The following EDN1 variants were observed in gnomAD, a reference collection of about 807,000 sequenced individuals.
EDN1 encodes the protein endothelin-1.
A neutral mutation model predicts 21.7 loss-of-function variants in EDN1; 11 were observed. The ratio of observed to expected loss-of-function variants is 0.51; its 90% CI spans 0.32 to 0.84. The LOEUF (loss-of-function observed/expected upper bound fraction) is 0.84. Among genes scored for constraint, EDN1 ranks in the 40% least tolerant of loss-of-function variants. The probability of loss-of-function intolerance (pLI) is 0.03; values close to 1 mark genes in which losing one functional copy is unlikely to be tolerated. For synonymous variants in EDN1, 85 were observed against 90.6 expected, an observed-to-expected ratio of 0.94 and a Z score of 0.35; for missense variants, 244 against 262.3, an observed-to-expected ratio of 0.93 and a Z score of 0.48.
chr6:12,258,963 A>G, the EDN1 span, among the ~76,000 whole-genome samples: 2 of 152,240 alleles, frequency 1.3e-5, no homozygotes, highest in Non-Finnish European at 2.9e-5. Context: ...TAAAAAATTA[A>G]ACTACTAAAA....
At position 12,296,036 on chromosome 6, in the gene EDN1, G is replaced by A. The variant is rs143255118; in HGVS notation, c.608G>A (p.Arg203His). The A allele has an allele frequency of 2.9e-5, 47 of 1,613,940 alleles. No individual in the cohort carries two copies. The highest frequency in any genetic ancestry group is 1.6e-4 in the Middle Eastern group (1 of 6,082). Residue 203 changes from arginine (R) to histidine (H), a missense_variant, in exon 5 of 5, where the codon CGT becomes CAT. Transcript: ENST00000379375. ...PKLKGKPSRE[R>H]YVTHNRAHW is the part of the protein sequence containing the mutation. The stretch of plus-strand genomic sequence containing the variant: ...CTGAAAGGCAAGCCCTCCAGAGAGC[G>A]TTATGTGACCCACAACCGAGCACAT...
chr6:12,230,975 T>A, the EDN1 span, among the ~76,000 whole-genome samples: 1 of 152,124 alleles, frequency 6.6e-6, no homozygotes, highest in Non-Finnish European at 1.5e-5. Flanking sequence ...TGGCCTAAGG[T>A]GGAGAAATAT....
chr6:12,235,437 A>G, the EDN1 span, among the ~76,000 whole-genome samples: 1 of 152,226 alleles, frequency 6.6e-6, no homozygotes. Context: ...ATAAATCCAT[A>G]TAGTTCATAA....
rs759275857 is a variant in EDN1 at position 12,290,608 on chromosome 6, T to C, written c.-22T>C. On this transcript the variant is annotated 5_prime_UTR_variant, in exon 1 of 5. Coordinates refer to ENST00000379375, the MANE Select transcript of EDN1 (RefSeq NM_001955.5). The stretch of plus-strand genomic sequence containing the variant: ...CTTTGGGTTCAGTTTGAACGGGAGG[T>C]TTTTGATCCCTTTTTTTCAGAATGG... 2 of 1,612,368 alleles carry C rather than the reference T, an allele frequency of 1.2e-6. No individual in the cohort carries two copies. Among genetic ancestry groups the C allele is most frequent in the Non-Finnish European group, 1.7e-6 (2 of 1,178,480 alleles).
the EDN1 span, among the ~76,000 whole-genome samples, chr6:12,240,412 A>C: frequency 0.24 from 36,621 of 152,152 alleles, 5,257 homozygotes; most frequent in Non-Finnish European, 0.33. Context: ...ATTTAGAGAT[A>C]AGGAACTATT....
chr6:12,293,955 A>G lies in EDN1; in HGVS notation c.248A>G (p.Tyr83Cys). The G allele has an allele frequency of 6.2e-7, 1 of 1,614,216 alleles. No homozygotes were observed. Among genetic ancestry groups the G allele is most frequent in the Non-Finnish European group, 8.5e-7 (1 of 1,180,024 alleles). The change falls in exon 3 of 5, where the codon TAT (tyrosine) becomes TGT (cysteine). Residue 83 changes from tyrosine to cysteine, a missense_variant. Transcript: ENST00000379375. ...WVNTPEHVVP[Y>C]GLGSPRSKRA... ...TTGGATAATAGGCACGTTGTTCCGT[A>G]TGGACTTGGAAGCCCTAGGTCCAAG...
the EDN1 span, among the ~76,000 whole-genome samples, chr6:12,243,691 A>G: frequency 3.9e-5 from 6 of 152,354 alleles, no homozygotes; most frequent in Middle Eastern, 0.014. Context: ...ACTATGAGCT[A>G]CTTGAAGGCA....
At chr6:12,238,279 G>A in the EDN1 span, among the ~76,000 whole-genome samples, 1 of 152,138 alleles carries the variant, frequency 6.6e-6, no homozygotes, top group African/African-American at 2.4e-5. Flanking sequence ...GGGCTTGAGG[G>A]GATGTAGGCG....
chr6:12,276,451 A>G, the EDN1 span, among the ~76,000 whole-genome samples: 1 of 152,244 alleles, frequency 6.6e-6, no homozygotes, highest in African/African-American at 2.4e-5. Flanking sequence ...AAAAAAGTAC[A>G]TTCCTTTACG....
chr6:12,264,951 G>A, the EDN1 span, among the ~76,000 whole-genome samples: 25 of 152,256 alleles, frequency 1.6e-4, no homozygotes, highest in South Asian at 2.3e-3. Flanking sequence ...TTTCTTTTAT[G>A]AGCCATATCC....
the EDN1 span, among the ~76,000 whole-genome samples, chr6:12,277,365 G>T: frequency 3.3e-5 from 5 of 152,278 alleles, no homozygotes; most frequent in African/African-American, 1.2e-4. Context: ...CACCAACTAC[G>T]CACCAGGTAC....
At chr6:12,259,192 A>T in the EDN1 span, among the ~76,000 whole-genome samples, 2 of 151,998 alleles carry the variant, frequency 1.3e-5, no homozygotes, top group African/African-American at 4.8e-5. Context: ...GCATTAAATC[A>T]TGAAATAGAA....
the EDN1 span, among the ~76,000 whole-genome samples, chr6:12,235,486 G>C: frequency 6.6e-6 from 1 of 152,126 alleles, no homozygotes; most frequent in African/African-American, 2.4e-5. Context: ...AATACAAAAA[G>C]TACCATGAAA....
the EDN1 span, among the ~76,000 whole-genome samples, chr6:12,230,937 A>G: frequency 6.6e-6 from 1 of 152,200 alleles, no homozygotes; most frequent in Non-Finnish European, 1.5e-5. Context: ...TGATTTGCCC[A>G]AGGCACAGAA....
At chr6:12,265,056 C>T in the EDN1 span, among the ~76,000 whole-genome samples, 1 of 152,096 alleles carries the variant, frequency 6.6e-6, no homozygotes, top group Non-Finnish European at 1.5e-5. Context: ...ATGTTAAGTG[C>T]AAAAGGATTG....
the EDN1 span, among the ~76,000 whole-genome samples, chr6:12,273,101 C>T: frequency 1.3e-5 from 2 of 152,132 alleles, no homozygotes; most frequent in East Asian, 3.9e-4. Flanking sequence ...AGGTGGGAAC[C>T]CATGGTGTGC....
chr6:12,276,346 A>G, the EDN1 span, among the ~76,000 whole-genome samples: 83 of 152,294 alleles, frequency 5.4e-4, 2 homozygotes, highest in African/African-American at 1.9e-3. Flanking sequence ...TGGGAACTCC[A>G]CGTATGCTAT....
chr6:12,273,134 C>T, the EDN1 span, among the ~76,000 whole-genome samples: 1 of 152,196 alleles, frequency 6.6e-6, no homozygotes, highest in East Asian at 1.9e-4. Context: ...GAGGAGGGAC[C>T]TCTTGCCCGG....
At chr6:12,293,728 A>AG (rs1023091803) in intron 2 of EDN1, among the ~76,000 whole-genome samples, 35 of 152,364 alleles carry the variant, frequency 2.3e-4, no homozygotes, top group African/African-American at 8.2e-4. Flanking sequence ...CCACTGAATT[A>AG]GAAAAACTTG....
Sources: allele counts gnomAD v4.1 joint callset (sites outside exome capture counted in the v4.1 genomes callset), GRCh38; gene constraint gnomAD v4.1.1; transcripts MANE v1.5; gene names NCBI Gene and HGNC (gene_info 2026-07-23, HGNC 2026-07-21).